CDH4: variants seen among roughly 807,000 people sequenced by gnomAD.
The protein encoded by CDH4 is cadherin 4.
Under a neutral mutation model 86.0 loss-of-function variants are expected in CDH4, and 33 were observed. The ratio of observed to expected loss-of-function variants is 0.38; its 90% CI spans 0.29 to 0.51. The LOEUF (loss-of-function observed/expected upper bound fraction) is 0.51. CDH4 is among the 20% of genes least tolerant of loss of function. The probability of loss-of-function intolerance (pLI) is 0.86; values close to 1 mark genes in which losing one functional copy is unlikely to be tolerated. For missense variants in CDH4, 1,114 were observed against 1,307.4 expected (o/e 0.85, Z 2.28); for synonymous variants, 555 against 549.4 (o/e 1.01, Z -0.14).
intron 7 of CDH4, among the ~76,000 whole-genome samples, chr20:61,880,199 C>T (rs974932581): frequency 6.6e-6 from 1 of 152,152 alleles, no homozygotes; most frequent in Non-Finnish European, 1.5e-5. Context: ...CTGAGAGCGG[C>T]GTGGCTTTCT....
intron 4 of CDH4, among the ~76,000 whole-genome samples, chr20:61,814,426 G>A (rs953693774): frequency 1.3e-5 from 2 of 152,182 alleles, no homozygotes; most frequent in African/African-American, 4.8e-5. Flanking sequence ...TGGCAGCATT[G>A]ACCTGGGAGG....
chr20:61,396,177 A>T (rs958142870), intron 2 of CDH4, among the ~76,000 whole-genome samples: 4 of 152,228 alleles, frequency 2.6e-5, no homozygotes, highest in Non-Finnish European at 4.4e-5. Context: ...CTAAAATATT[A>T]TAGTTACCAG....
At chr20:61,887,657 C>G (rs1459692694) in intron 7 of CDH4, among the ~76,000 whole-genome samples, 1 of 152,230 alleles carries the variant, frequency 6.6e-6, no homozygotes, top group Non-Finnish European at 1.5e-5. Context: ...TGAACCGGCT[C>G]TGATTGGATG....
Position 61,937,041 on chromosome 20 carries a change from G to A in CDH4, c.*98G>A. The A allele has an allele frequency of 1.9e-6, 2 of 1,043,108 alleles. No individual in the cohort carries two copies. The highest frequency in any genetic ancestry group is 2.7e-6 in the Non-Finnish European group (2 of 742,066). The allele number at this position is 1,043,108 out of a possible 1,614,324, so 64.6% of individuals were successfully genotyped here. ...CCGGTCTTCCCGACTCCCTGCGGCT[G>A]TGTCCTTAGTGCTGTTAGGAGGCCC... On this transcript the variant is annotated 3_prime_UTR_variant, in exon 16 of 16. Transcript: ENST00000614565.
chr20:61,512,794 G>A (rs532909726), intron 2 of CDH4, among the ~76,000 whole-genome samples: 3 of 152,316 alleles, frequency 2.0e-5, no homozygotes, highest in East Asian at 3.9e-4. Context: ...CTGACTCTTC[G>A]AGGAAGCTCA....
chr20:61,855,024 C>G (rs113391267), intron 6 of CDH4, among the ~76,000 whole-genome samples: 5 of 112,360 alleles, frequency 4.4e-5, no homozygotes, highest in African/African-American at 1.8e-4. Context: ...ACCCCCAGGG[C>G]TGCAGTGTGA....
chr20:61,296,166 G>A (rs1320040394), intron 2 of CDH4, among the ~76,000 whole-genome samples: 1 of 151,896 alleles, frequency 6.6e-6, no homozygotes, highest in Non-Finnish European at 1.5e-5. Flanking sequence ...CTTTAGAGTT[G>A]TCGAAATAAG....
chr20:61,628,946 C>T (rs989291643), intron 2 of CDH4, among the ~76,000 whole-genome samples: 4 of 152,234 alleles, frequency 2.6e-5, no homozygotes, highest in Admixed American at 6.5e-5. Flanking sequence ...CCTGGCCGTG[C>T]GCTGCATACA....
chr20:61,862,390 G>A (rs1326933648), intron 6 of CDH4, among the ~76,000 whole-genome samples: 1 of 152,220 alleles, frequency 6.6e-6, no homozygotes, highest in Admixed American at 6.5e-5. Context: ...CTCCCAAGGT[G>A]GACTCATTCT....
intron 2 of CDH4, among the ~76,000 whole-genome samples, chr20:61,560,908 C>T (rs74529462): frequency 7.4e-4 from 113 of 152,338 alleles, no homozygotes; most frequent in African/African-American, 2.6e-3. Context: ...CTCCCCAACC[C>T]GGATGAGAGG....
intron 4 of CDH4, among the ~76,000 whole-genome samples, chr20:61,780,690 T>G (rs1978493011): frequency 1.3e-5 from 2 of 152,116 alleles, no homozygotes; most frequent in South Asian, 4.1e-4. Flanking sequence ...TAGGGGAAAA[T>G]GTTTAAGCTC....
chr20:61,273,666 G>A (rs2123144321), intron 2 of CDH4, among the ~76,000 whole-genome samples: 1 of 147,884 alleles, frequency 6.8e-6, no homozygotes, highest in East Asian at 2.1e-4. Context: ...TGCAGTTTGG[G>A]GCAGTACTGT....
intron 6 of CDH4, among the ~76,000 whole-genome samples, chr20:61,858,391 GTC>G (rs1287721151): frequency 5.4e-5 from 8 of 148,428 alleles, no homozygotes; most frequent in African/African-American, 1.6e-4. Context: ...GTGTATCTGT[GTC>G]TCTGTGTCTG....
intron 8 of CDH4, among the ~76,000 whole-genome samples, chr20:61,904,163 C>A (rs6061885): frequency 2.4e-4 from 37 of 152,088 alleles, no homozygotes; most frequent in Admixed American, 6.5e-5. Flanking sequence ...TGGCGGGAGC[C>A]GTCATCGGGG....
rs367934043 is a variant in CDH4 at position 61,810,124 on chromosome 20, G to A, written c.577-34544G>A. Among the ~76,000 whole-genome samples, 7 of 152,270 alleles carry A rather than the reference G, an allele frequency of 4.6e-5. No homozygotes were observed. In the South Asian group the frequency reaches 6.2e-4, roughly 14 times the overall value. The stretch of plus-strand genomic sequence containing the variant: ...GGTCAGACCTGGACGGGCCTCAGCC[G>A]GGGTGGGGTGGGGGGCACCTGAGCC... On this transcript the variant is annotated intron_variant, in intron 4 of 15. Transcript: ENST00000614565. The surrounding 1 kb of genome is among the most constrained non-coding windows in gnomAD (Gnocchi z 4.3).
At chr20:61,298,083 A>G (rs2084366440) in intron 2 of CDH4, among the ~76,000 whole-genome samples, 1 of 152,122 alleles carries the variant, frequency 6.6e-6, no homozygotes. Context: ...CGGGTTCAGC[A>G]ACTTTGGCAT....
chr20:61,341,842 C>T (rs6028128), intron 2 of CDH4, among the ~76,000 whole-genome samples: 29,754 of 152,036 alleles, frequency 0.2, 2,945 homozygotes, highest in Middle Eastern at 0.35. Context: ...ACCAAGTGGG[C>T]GGGACTTGGA....
intron 4 of CDH4, among the ~76,000 whole-genome samples, chr20:61,816,689 G>GT (rs1555843055): frequency 1.8e-5 from 1 of 56,302 alleles, no homozygotes; most frequent in Non-Finnish European, 7.8e-5. Context: ...CACGTTAAAT[G>GT]GGGGGGGGCG....
chr20:61,793,550 A>T (rs1042828729), intron 4 of CDH4, among the ~76,000 whole-genome samples: 1 of 151,896 alleles, frequency 6.6e-6, no homozygotes, highest in Non-Finnish European at 1.5e-5. Context: ...CCCAGCAAGA[A>T]TGAGGCTGAG....
Sources: allele counts gnomAD v4.1 joint callset (sites outside exome capture counted in the v4.1 genomes callset), GRCh38; gene constraint gnomAD v4.1.1; non-coding constraint Gnocchi (gnomAD v3.1); transcripts MANE v1.5; gene names NCBI Gene and HGNC (gene_info 2026-07-23, HGNC 2026-07-21).